Variants in MME observed in about 807,000 individuals in gnomAD.
The protein encoded by MME is neprilysin.
Under a neutral mutation model 113.2 loss-of-function variants are expected in MME, and 98 were observed. That is an observed-to-expected ratio of 0.87 (90% confidence interval 0.74 to 1.02). The LOEUF is 1.02. Ranked by LOEUF, MME falls within the 50% of genes least tolerant of loss-of-function variation. MME has a pLI of 0.00. For missense variants in MME, 836 were observed against 896.0 expected (o/e 0.93, Z 0.86); for synonymous variants, 292 against 300.6 (o/e 0.97, Z 0.30).
At chr3:155,118,901 T>C (rs1340386647) in intron 8 of MME, 90 bp downstream of exon 8, 1 of 857,930 alleles carries the variant, frequency 1.2e-6, no homozygotes, top group African/African-American at 1.7e-5. Flanking sequence ...AAATTAAATT[T>C]AGCCCTCTGA....
upstream of MME, among the ~76,000 whole-genome samples, chr3:155,074,782 G>C (rs1422687956): frequency 6.6e-6 from 1 of 151,966 alleles, no homozygotes; most frequent in Non-Finnish European, 1.5e-5. Flanking sequence ...ACAATTTCTA[G>C]ATATATATGT....
Position 155,142,223 on chromosome 3 carries a change from T to G in MME, c.1095-14T>G, listed in dbSNP as rs750991929. ...CATCTTTTCTGTTGCTGGGCGGTGG[T>G]TTTTTTTATACAGAGATCTTCAAAA... On this transcript the variant is annotated splice_polypyrimidine_tract_variant and intron_variant, in intron 11 of 22. Coordinates refer to ENST00000360490, the MANE Select transcript of MME (RefSeq NM_007289.4). 1 of 1,611,380 alleles carries G rather than the reference T, an allele frequency of 6.2e-7. No homozygotes were observed. Among genetic ancestry groups the G allele is most frequent in the South Asian group, 1.1e-5 (1 of 91,012 alleles).
intron 16 of MME, among the ~76,000 whole-genome samples, chr3:155,153,843 A>C (rs1722125635): frequency 6.6e-6 from 1 of 152,174 alleles, no homozygotes; most frequent in Non-Finnish European, 1.5e-5. Context: ...GTGCTAAACA[A>C]AATAGATGAC....
Position 155,148,610 on chromosome 3 carries a change from A to C in MME, c.1558A>C (p.Ser520Arg). ...AATTCAAAATTTGAAATTCAGCCAA[A>C]GTAAACAACTGAAGAAGCTCCGAGA... is the stretch of plus-strand genomic sequence containing the variant. Reference protein sequence around the residue: ...NIIQNLKFSQSKQLKKLREKV... With the variant: ...NIIQNLKFSQRKQLKKLREKV... Residue 520 changes from serine (S) to arginine (R), a missense_variant, in exon 16 of 23, where the codon AGT becomes CGT. Ser to Arg is a moderately radical substitution (Grantham distance 110). Transcript: ENST00000360490. 1 of 1,613,080 alleles carries C rather than the reference A, an allele frequency of 6.2e-7. No homozygotes were observed.
In MME at chr3:155,181,291, G is replaced by C. The variant is rs186516013; in HGVS notation, c.*832G>C. On this transcript the variant is annotated 3_prime_UTR_variant, in exon 23 of 23. Coordinates refer to ENST00000360490, the MANE Select transcript of MME (RefSeq NM_007289.4). ...TTGAAGTTTCAGCTTAAAATAAACA[G>C]TTGTGAACCAAGATCTATAAAGCGA... is the stretch of plus-strand genomic sequence containing the variant. 75 of 152,118 alleles carry C rather than the reference G, an allele frequency of 4.9e-4. 1 individual carries two copies. The highest frequency in any genetic ancestry group is 3.5e-3 in the East Asian group (18 of 5,186). 9.4% of individuals were successfully genotyped at this position (152,118 alleles called of 1,614,324 possible). A position where few individuals can be genotyped will look rare whatever the true frequency, so the allele number is the denominator to read the frequency against.
intron 1 of MME, among the ~76,000 whole-genome samples, chr3:155,058,935 T>A (rs1413498568): frequency 2.6e-5 from 4 of 152,088 alleles, no homozygotes; most frequent in Non-Finnish European, 4.4e-5. Context: ...GAATAAAAAA[T>A]TCTTCTTCCT....
intron 18 of MME, among the ~76,000 whole-genome samples, chr3:155,167,863 C>G (rs922722360): frequency 6.6e-6 from 1 of 152,114 alleles, no homozygotes; most frequent in Non-Finnish European, 1.5e-5. Flanking sequence ...ACTGGTAGAA[C>G]CAGAAGGTGA....
At chr3:155,139,672 G>A (rs1395219230) in intron 9 of MME, among the ~76,000 whole-genome samples, 1 of 152,198 alleles carries the variant, frequency 6.6e-6, no homozygotes, top group Non-Finnish European at 1.5e-5. Flanking sequence ...GCCATTCTCA[G>A]ATAACTTGCA....
chr3:155,099,866 C>T (rs1310351024), intron 3 of MME, among the ~76,000 whole-genome samples: 1 of 152,176 alleles, frequency 6.6e-6, no homozygotes, highest in Admixed American at 6.5e-5. Context: ...CATACATGTG[C>T]ATGTGTCTTT....
At chr3:155,088,074 A>C (rs1299380994) in intron 3 of MME, among the ~76,000 whole-genome samples, 1 of 152,110 alleles carries the variant, frequency 6.6e-6, no homozygotes, top group African/African-American at 2.4e-5. Context: ...ATTTTTCTTC[A>C]TTCTGCTCTG....
chr3:155,126,303 C>T (rs1373794253), intron 8 of MME, among the ~76,000 whole-genome samples: 1 of 151,572 alleles, frequency 6.6e-6, no homozygotes, highest in East Asian at 1.9e-4. Flanking sequence ...GGATTGTGTT[C>T]TTATATCAAA....
intron 8 of MME, among the ~76,000 whole-genome samples, chr3:155,133,258 G>T (rs1720316035): frequency 6.6e-6 from 1 of 151,588 alleles, no homozygotes; most frequent in Non-Finnish European, 1.5e-5. Flanking sequence ...AGGAAAGATA[G>T]TCATGATACT....
At chr3:155,150,264 G>A (rs1721824139) in intron 16 of MME, among the ~76,000 whole-genome samples, 1 of 152,090 alleles carries the variant, frequency 6.6e-6, no homozygotes, top group Admixed American at 6.6e-5. Context: ...TTCTTTTGAG[G>A]TTAACGTAGT....
At chr3:155,167,161 C>T in intron 18 of MME, 140 bp downstream of exon 18, 2 of 1,173,528 alleles carry the variant, frequency 1.7e-6, no homozygotes, top group East Asian at 5.1e-5. Flanking sequence ...TTTCAATTTT[C>T]CCTTTAAATT....
chr3:155,026,504 A>G (rs570647678), intron 1 of MME, among the ~76,000 whole-genome samples: 3 of 152,278 alleles, frequency 2.0e-5, no homozygotes, highest in East Asian at 1.9e-4. Context: ...TGGGTGGATC[A>G]CCTGAAGTTA....
upstream of MME, among the ~76,000 whole-genome samples, chr3:155,075,718 T>C (rs1470651065): frequency 6.6e-6 from 1 of 152,186 alleles, no homozygotes; most frequent in Non-Finnish European, 1.5e-5. Flanking sequence ...AGCCAGGGTC[T>C]CACTATGTTG....
chr3:155,139,780 G>C (rs1311488546), intron 9 of MME, among the ~76,000 whole-genome samples: 1 of 152,080 alleles, frequency 6.6e-6, no homozygotes, highest in African/African-American at 2.4e-5. Flanking sequence ...TTTTAACTAG[G>C]ACACCGAATG....
Position 155,180,571 on chromosome 3 carries a change from T to C in MME, c.*112T>C. 1 of 808,366 alleles carries C rather than the reference T, an allele frequency of 1.2e-6. No homozygotes were observed. The highest frequency in any genetic ancestry group is 2.2e-6 in the Non-Finnish European group (1 of 455,482). 50.1% of individuals were successfully genotyped at this position (808,366 alleles called of 1,614,324 possible). On this transcript the variant is annotated 3_prime_UTR_variant, in exon 23 of 23. Coordinates refer to ENST00000360490, the MANE Select transcript of MME (RefSeq NM_007289.4). ...AGGGGTCACTGTACTGACTTGAGGG[T>C]GATTAACAGAGAGGGCACCATCACA...
At chr3:155,090,785 C>A (rs1194082109) in intron 3 of MME, among the ~76,000 whole-genome samples, 1 of 152,186 alleles carries the variant, frequency 6.6e-6, no homozygotes, top group East Asian at 1.9e-4. Context: ...TACGCACATA[C>A]TGATTTAATC....
Sources: allele counts gnomAD v4.1 joint callset (sites outside exome capture counted in the v4.1 genomes callset), GRCh38; gene constraint gnomAD v4.1.1; transcripts MANE v1.5; gene names NCBI Gene and HGNC (gene_info 2026-07-23, HGNC 2026-07-21).